Variants in RYR1 observed in about 807,000 individuals in gnomAD.
RYR1 encodes ryanodine receptor 1.
RYR1 carries 342 observed loss-of-function variants against 583.5 expected under a neutral mutation model. The observed-to-expected ratio is 0.59, with a 90% CI of 0.54 to 0.64. The LOEUF is 0.64. RYR1 is among the 30% of genes least tolerant of loss of function. The probability of loss-of-function intolerance (pLI) is 0.00; values close to 1 mark genes in which losing one functional copy is unlikely to be tolerated. For synonymous variants in RYR1, 2,791 were observed against 2,822.5 expected, an observed-to-expected ratio of 0.99 and a Z score of 0.35; for missense variants, 6,032 against 6,917.2, an observed-to-expected ratio of 0.87 and a Z score of 4.54.
Position 38,499,613 on chromosome 19 carries a change from C to T in RYR1, c.7028-22C>T. The T allele has an allele frequency of 1.3e-6, 2 of 1,596,736 alleles. No homozygotes were observed. Among genetic ancestry groups the T allele is most frequent in the South Asian group, 1.1e-5 (1 of 90,870 alleles). ...CTCTGATGGTGGCTCATGAGACCCCCTTTCCCCATGCGGGTGGCCAGGCGA... is the reference window on the plus strand; with the variant it reads ...CTCTGATGGTGGCTCATGAGACCCCTTTTCCCCATGCGGGTGGCCAGGCGA... On this transcript the variant is annotated intron_variant, in intron 43 of 105. Coordinates refer to ENST00000359596, the MANE Select transcript of RYR1 (RefSeq NM_000540.3). The surrounding 1 kb of genome is among the most constrained non-coding windows in gnomAD (Gnocchi z 7.3).
At chr19:38,438,153 A>G (rs1972507599) in intron 1 of RYR1, among the ~76,000 whole-genome samples, 1 of 151,654 alleles carries the variant, frequency 6.6e-6, no homozygotes, top group Non-Finnish European at 1.5e-5. Context: ...CCCAGAGATG[A>G]GCAGGCCTGA....
intron 84 of RYR1, among the ~76,000 whole-genome samples, chr19:38,540,257 T>C (rs1023572780): frequency 1.6e-4 from 24 of 151,980 alleles, no homozygotes; most frequent in Admixed American, 1.2e-3. Flanking sequence ...GGAGGATCAC[T>C]TGAGCCCAGC....
intron 58 of RYR1, among the ~76,000 whole-genome samples, 187 bp downstream of exon 58, chr19:38,508,014 C>T (rs1373184320): frequency 6.6e-6 from 1 of 152,030 alleles, no homozygotes; most frequent in African/African-American, 2.4e-5. Flanking sequence ...TGACAAATGA[C>T]CCCTGCTCTC....
At position 38,497,359 on chromosome 19, in the gene RYR1, G is replaced by A. The variant is rs555739507; in HGVS notation, c.6891+405G>A. On this transcript the variant is annotated intron_variant, in intron 42 of 105. Transcript: ENST00000359596. ...CCAGGTGGCCTTGGCACATTTCTTC[G>A]CTCTCCGAGCTTCCACTTCTGTGTA... 2.8e-4 allele frequency among the ~76,000 whole-genome samples: 43 copies of A among 152,298 alleles called. 1 individual carries two copies. The highest frequency in any genetic ancestry group is 1.0e-3 in the South Asian group (5 of 4,832).
At chr19:38,539,037 C>CT (rs149320949) in intron 84 of RYR1, among the ~76,000 whole-genome samples, 1,621 of 152,242 alleles carry the variant, frequency 0.011, 27 homozygotes, top group African/African-American at 0.037. Flanking sequence ...AATTAGTAAT[C>CT]TTACTTCCAT....
At chr19:38,442,275 G>A (rs1972724083) in intron 2 of RYR1, 74 bp from the exon 3 acceptor site, 3 of 1,025,734 alleles carry the variant, frequency 2.9e-6, no homozygotes, top group South Asian at 1.3e-5. Flanking sequence ...GACTAGGGGA[G>A]GGAGTGTGGC....
At chr19:38,463,683 T>G in intron 21 of RYR1, 64 bp from the exon 22 acceptor site, 2 of 1,532,340 alleles carry the variant, frequency 1.3e-6, no homozygotes, top group Non-Finnish European at 9.0e-7. Flanking sequence ...GGGGTCATAG[T>G]CTGGGCATGT....
At position 38,565,644 on chromosome 19, in the gene RYR1, C is replaced by T. The variant is rs1359188943; in HGVS notation, c.13310C>T (p.Ala4437Val). Reference protein sequence around the residue: ...HEAGPGGADGAVAVTDGGPFR... With the variant: ...HEAGPGGADGVVAVTDGGPFR... ...GCCGGGCCGGGCGGTGCCGACGGGG[C>T]GGTGGCCGTGACCGATGGGGGCCCC... The change falls in exon 91 of 106, where the codon GCG becomes GTG. Residue 4437 changes from alanine to valine, a missense_variant. Ala to Val is a moderately conservative substitution (Grantham distance 64, BLOSUM62 0). This residue lies in a region of RYR1 where 753 missense variants were observed against 759.6 expected (regional missense o/e 0.99). Transcript: ENST00000359596. The surrounding 1 kb of genome is among the most constrained non-coding windows in gnomAD (Gnocchi z 4.7). 6 of 1,388,604 alleles carry T rather than the reference C, an allele frequency of 4.3e-6. No individual in the cohort carries two copies. Among genetic ancestry groups the T allele is most frequent in the Non-Finnish European group, 4.6e-6 (5 of 1,082,094 alleles). 86.0% of individuals were successfully genotyped at this position (1,388,604 alleles called of 1,614,324 possible).
At chr19:38,560,219 C>G (rs991691891) in intron 89 of RYR1, among the ~76,000 whole-genome samples, 1 of 151,974 alleles carries the variant, frequency 6.6e-6, no homozygotes, top group Non-Finnish European at 1.5e-5. Flanking sequence ...AAAAATTCAC[C>G]AGGCACAGTG....
rs922544165 is a variant in RYR1, at chr19:38,476,448, C to T, written c.4293+998C>T. ...TCCTGACCTCGTGGTCTACCCGCCTCGGTCTCGCAAAGTGCTGGGATTACA... is the reference window on the plus strand; with the variant it reads ...TCCTGACCTCGTGGTCTACCCGCCTTGGTCTCGCAAAGTGCTGGGATTACA... On this transcript the variant is annotated intron_variant, in intron 29 of 105. Coordinates refer to ENST00000359596, the MANE Select transcript of RYR1 (RefSeq NM_000540.3). 3.9e-5 allele frequency among the ~76,000 whole-genome samples: 6 copies of T among 152,258 alleles called. No individual in the cohort carries two copies. The South Asian group carries it at 8.3e-4, about 21-fold the overall frequency.
At chr19:38,460,145 G>T in intron 19 of RYR1, among the ~76,000 whole-genome samples, 1 of 152,110 alleles carries the variant, frequency 6.6e-6, no homozygotes, top group East Asian at 1.9e-4. Context: ...ATTAACCAGA[G>T]ACCCTCCCGC....
chr19:38,514,950 T>C, intron 63 of RYR1, 76 bp from the exon 64 acceptor site: 1 of 981,240 alleles, frequency 1.0e-6, no homozygotes. Context: ...ATGGGCCTAT[T>C]TGAGACAAGG....
Position 38,505,320 on chromosome 19 carries a change from C to T in RYR1, c.8322C>T (p.Asn2774=), listed in dbSNP as rs1970394271. Residue 2774 remains asparagine (N), a synonymous_variant, in exon 53 of 106, where the codon AAC becomes AAT. Transcript: ENST00000359596. ...EKWAFDKIQN[N]WSYGENIDEE... ...CCCTCCATCTCTAGATCCAGAACAA[C>T]TGGTCCTATGGAGAGAACATAGACG... 6.2e-7 allele frequency: 1 copy of T among 1,610,982 alleles called. No homozygotes were observed. The highest frequency in any genetic ancestry group is 1.7e-5 in the Admixed American group (1 of 59,814).
intron 84 of RYR1, among the ~76,000 whole-genome samples, chr19:38,539,140 T>C (rs142439297): frequency 0.023 from 3,470 of 152,246 alleles, 94 homozygotes; most frequent in Admixed American, 0.073. Flanking sequence ...AAGGATAAAG[T>C]ATGATCTCTT....
intron 96 of RYR1, among the ~76,000 whole-genome samples, chr19:38,575,688 A>T (rs1266515997): frequency 6.6e-6 from 1 of 152,196 alleles, no homozygotes; most frequent in East Asian, 1.9e-4. Flanking sequence ...CTGTAATCCC[A>T]GCTACTCAGG....
At chr19:38,531,409 A>T (rs1276677374) in intron 76 of RYR1, among the ~76,000 whole-genome samples, 1 of 151,938 alleles carries the variant, frequency 6.6e-6, no homozygotes, top group East Asian at 1.9e-4. Flanking sequence ...TGTGAGGGTC[A>T]GTTTGTTAAT....
At chr19:38,555,542 A>G (rs1972845731) in intron 89 of RYR1, among the ~76,000 whole-genome samples, 1 of 152,118 alleles carries the variant, frequency 6.6e-6, no homozygotes, top group Admixed American at 6.6e-5. Context: ...ACAAACCACA[A>G]TGTCATCACT....
intron 101 of RYR1, among the ~76,000 whole-genome samples, chr19:38,584,661 C>T (rs1401944044): frequency 8.7e-6 from 1 of 114,928 alleles, no homozygotes; most frequent in Non-Finnish European, 1.8e-5. Flanking sequence ...CTTATCCTGG[C>T]CCTGACCCCT....
At chr19:38,552,861 G>A (rs1328796516) in intron 89 of RYR1, among the ~76,000 whole-genome samples, 1 of 151,946 alleles carries the variant, frequency 6.6e-6, no homozygotes, top group African/African-American at 2.4e-5. Context: ...AAGTACACAT[G>A]ATTCACAATT....
Sources: allele counts gnomAD v4.1 joint callset (sites outside exome capture counted in the v4.1 genomes callset), GRCh38; gene constraint gnomAD v4.1.1; regional missense constraint gnomAD v4.1.1; non-coding constraint Gnocchi (gnomAD v3.1); transcripts MANE v1.5; gene names NCBI Gene and HGNC (gene_info 2026-07-23, HGNC 2026-07-21).